The following DYNC2I1 variants were observed in gnomAD, a reference collection of about 807,000 sequenced individuals.
DYNC2I1 encodes cytoplasmic dynein 2 intermediate chain 1.
Under a neutral mutation model 133.4 loss-of-function variants are expected in DYNC2I1, and 89 were observed. The observed-to-expected ratio is 0.67, with a 90% CI of 0.56 to 0.80. The LOEUF is 0.80. DYNC2I1 is among the 30% of genes least tolerant of loss of function. The probability of loss-of-function intolerance (pLI) is 0.00; values close to 1 mark genes in which losing one functional copy is unlikely to be tolerated. For missense variants in DYNC2I1, 1,291 were observed against 1,314.5 expected, an observed-to-expected ratio of 0.98 and a Z score of 0.28; for synonymous variants, 504 against 484.3, an observed-to-expected ratio of 1.04 and a Z score of -0.54.
At chr7:158,862,797 C>G (rs954428678) in intron 1 of DYNC2I1, among the ~76,000 whole-genome samples, 3 of 152,006 alleles carry the variant, frequency 2.0e-5, no homozygotes, top group Middle Eastern at 3.2e-3. Context: ...GAGTTTGTTC[C>G]TTCACATGTT....
At chr7:158,871,642 C>A in intron 3 of DYNC2I1, 80 bp downstream of exon 3, 1 of 1,389,938 alleles carries the variant, frequency 7.2e-7, no homozygotes, top group Non-Finnish European at 9.5e-7. Context: ...CTCGCTGCCT[C>A]CCCTCCCTCT....
intron 1 of DYNC2I1, among the ~76,000 whole-genome samples, chr7:158,860,500 G>T (rs1442352165): frequency 6.6e-6 from 1 of 152,128 alleles, no homozygotes; most frequent in South Asian, 2.1e-4. Context: ...TCAGTATGTC[G>T]TAGCTATTGG....
At chr7:158,910,885 G>A (rs1429294722) in intron 11 of DYNC2I1, among the ~76,000 whole-genome samples, 1 of 149,174 alleles carries the variant, frequency 6.7e-6, no homozygotes, top group African/African-American at 2.5e-5. Context: ...TCAGGCCTGT[G>A]AGCGAGGAGC....
chr7:158,917,330 GCCCTC>G, intron 14 of DYNC2I1, among the ~76,000 whole-genome samples: 1 of 151,990 alleles, frequency 6.6e-6, no homozygotes, highest in South Asian at 2.1e-4. Context: ...AACACCCCCT[GCCCTC>G]CACACTCCAC....
chr7:158,868,948 C>T (rs1248778696), intron 1 of DYNC2I1, among the ~76,000 whole-genome samples: 1 of 152,226 alleles, frequency 6.6e-6, no homozygotes. Flanking sequence ...GTCTGTCATA[C>T]ATCCCAGCTG....
intron 10 of DYNC2I1, 42 bp from the exon 11 acceptor site, chr7:158,905,947 T>C: frequency 6.6e-6 from 10 of 1,524,502 alleles, no homozygotes; most frequent in Non-Finnish European, 9.0e-6. Context: ...TTGGAAGACA[T>C]ATTTCCGTGT....
At chr7:158,954,266 T>G (rs1478408770) in intron 4 of DYNC2I1, among the ~76,000 whole-genome samples, 1 of 152,230 alleles carries the variant, frequency 6.6e-6, no homozygotes, top group Non-Finnish European at 1.5e-5. Flanking sequence ...AGTATGTCTT[T>G]ATAAGCAGTG....
chr7:158,876,279 C>T (rs951151631), intron 3 of DYNC2I1, among the ~76,000 whole-genome samples: 3 of 152,132 alleles, frequency 2.0e-5, no homozygotes, highest in Non-Finnish European at 2.9e-5. Context: ...ACAAGAACAG[C>T]ACCCAGGGGG....
chr7:158,894,486 T>C (rs995860790), intron 8 of DYNC2I1, among the ~76,000 whole-genome samples: 1 of 152,256 alleles, frequency 6.6e-6, no homozygotes, highest in South Asian at 2.1e-4. Context: ...TTTAGTGATA[T>C]GCATTTTAAG....
chr7:158,849,680 T>A, the DYNC2I1 span, among the ~76,000 whole-genome samples: 1 of 152,198 alleles, frequency 6.6e-6, no homozygotes, highest in Non-Finnish European at 1.5e-5. Flanking sequence ...TGTCTGCAGC[T>A]CTCAGCGGAG....
the DYNC2I1 span, among the ~76,000 whole-genome samples, chr7:158,843,500 T>C: frequency 6.6e-6 from 1 of 152,228 alleles, no homozygotes; most frequent in African/African-American, 2.4e-5. Flanking sequence ...CCTCAAGTGA[T>C]CTGCCCACCT....
At chr7:158,893,081 T>A (rs991692403) in intron 8 of DYNC2I1, among the ~76,000 whole-genome samples, 19 of 152,150 alleles carry the variant, frequency 1.2e-4, no homozygotes, top group African/African-American at 4.6e-4. Context: ...TACGTTGATG[T>A]GTCATTATCA....
chr7:158,951,867 G>A (rs969431537), intron 4 of DYNC2I1, among the ~76,000 whole-genome samples: 20 of 152,166 alleles, frequency 1.3e-4, no homozygotes, highest in South Asian at 4.1e-4. Context: ...GCTGTGCCTC[G>A]GGGGACGTGA....
chr7:158,897,896 T>G (rs529868740), intron 8 of DYNC2I1, among the ~76,000 whole-genome samples: 2 of 152,378 alleles, frequency 1.3e-5, no homozygotes, highest in East Asian at 3.9e-4. Context: ...TAAATTGCCC[T>G]CTAAGCACTG....
At chr7:158,934,641 T>C (rs1344819462) in intron 23 of DYNC2I1, 92 bp downstream of exon 23, 59 of 1,341,550 alleles carry the variant, frequency 4.4e-5, no homozygotes, top group Non-Finnish European at 2.6e-5. Context: ...AGTGCAGTGA[T>C]GTGGTCATAG....
chr7:158,941,133 AGAG>A (rs1468746380), intron 23 of DYNC2I1, among the ~76,000 whole-genome samples: 1 of 152,214 alleles, frequency 6.6e-6, no homozygotes, highest in Non-Finnish European at 1.5e-5. Context: ...CAGAAACCAA[AGAG>A]GAGATACAAC....
At position 158,942,132 on chromosome 7, in the gene DYNC2I1, C is replaced by G; in HGVS notation, c.2986C>G (p.Gln996Glu). ...CGATCTGGGTCCTGTCGCCAAACAG[C>G]AGGTCTCCCCCAACAGGCAAGTGGG... is the stretch of plus-strand genomic sequence containing the variant. ...QSDLGPVAKQ[Q>E]VSPNRLVAMA... Residue 996 changes from glutamine (Q) to glutamate (E), a missense_variant, in exon 24 of 25, where the codon CAG (glutamine) becomes GAG (glutamate). Coordinates refer to ENST00000407559, the MANE Select transcript of DYNC2I1 (RefSeq NM_018051.5). 1 of 1,554,928 alleles carries G rather than the reference C, an allele frequency of 6.4e-7. No individual in the cohort carries two copies. The highest frequency in any genetic ancestry group is 1.2e-5 in the South Asian group (1 of 81,924).
rs549435655 is a variant in DYNC2I1, at chr7:158,945,780, C to T, written c.*1C>T. 202 of 1,545,744 alleles carry T rather than the reference C, an allele frequency of 1.3e-4. 1 individual carries two copies. The East Asian group carries it at 4.4e-3, about 34-fold the overall frequency. ...GCCAGAGGGAAAACTGCACAAGTAGCGGGTGTGGCTGAGAGGACCGCGTTT... is the reference window on the plus strand; with the variant it reads ...GCCAGAGGGAAAACTGCACAAGTAGTGGGTGTGGCTGAGAGGACCGCGTTT... On this transcript the variant is annotated 3_prime_UTR_variant, in exon 25 of 25. Coordinates refer to ENST00000407559, the MANE Select transcript of DYNC2I1 (RefSeq NM_018051.5). The surrounding 1 kb of genome is among the most constrained non-coding windows in gnomAD (Gnocchi z 4.1).
In DYNC2I1 at chr7:158,945,452, C is replaced by A; in HGVS notation, c.3003-129C>A. The A allele has an allele frequency of 9.7e-7, 1 of 1,032,090 alleles. No homozygotes were observed. The highest frequency in any genetic ancestry group is 1.4e-6 in the Non-Finnish European group (1 of 725,300). The allele number at this position is 1,032,090 out of a possible 1,614,324, so 63.9% of individuals were successfully genotyped here. A position where few individuals can be genotyped will look rare whatever the true frequency, so the allele number is the denominator to read the frequency against. On this transcript the variant is annotated intron_variant, in intron 24 of 24. Transcript: ENST00000407559. The surrounding 1 kb of genome is among the most constrained non-coding windows in gnomAD (Gnocchi z 4.1). ...ATTTCTGGTCTAGCTTTCATTTTGG[C>A]TATTGGTATTTTTAGAATTTCTCAT...
Sources: gnomAD v4.1 joint callset for allele counts (sites outside exome capture counted in the v4.1 genomes callset) on GRCh38, gnomAD v4.1.1 for gene constraint, Gnocchi (gnomAD v3.1) non-coding constraint, MANE v1.5 for transcripts, NCBI Gene and HGNC (gene_info 2026-07-23, HGNC 2026-07-21) for gene names.